Variants in SLC35F3 observed in about 807,000 individuals in gnomAD.
The protein encoded by SLC35F3 is solute carrier family 35 member F3.
SLC35F3 carries 25 observed loss-of-function variants against 49.9 expected under a neutral mutation model. The observed-to-expected ratio is 0.50, with a 90% confidence interval of 0.37 to 0.70. The LOEUF is 0.70. SLC35F3 is among the 30% of genes least tolerant of loss of function. The pLI is 0.00. For synonymous variants in SLC35F3, 275 were observed against 265.4 expected, an observed-to-expected ratio of 1.04 and a Z score of -0.35; for missense variants, 525 against 639.8, an observed-to-expected ratio of 0.82 and a Z score of 1.94.
intron 2 of SLC35F3, among the ~76,000 whole-genome samples, chr1:233,943,359 G>C (rs1045945821): frequency 2.0e-5 from 3 of 152,200 alleles, no homozygotes; most frequent in Non-Finnish European, 4.4e-5. Flanking sequence ...TTTAAAGTAA[G>C]ATTCCACAAT....
At chr1:234,188,012 C>A (rs374580984) in intron 2 of SLC35F3, among the ~76,000 whole-genome samples, 4 of 152,046 alleles carry the variant, frequency 2.6e-5, no homozygotes, top group African/African-American at 9.7e-5. Context: ...CCGAGGCGGG[C>A]GGATCACGAA....
intron 3 of SLC35F3, among the ~76,000 whole-genome samples, chr1:234,257,696 A>G (rs1667841272): frequency 6.6e-6 from 1 of 152,176 alleles, no homozygotes. Context: ...AGAAAGTTGT[A>G]AAAGTGCGTT....
chr1:233,975,348 C>T (rs958294028), intron 2 of SLC35F3, among the ~76,000 whole-genome samples: 31 of 152,360 alleles, frequency 2.0e-4, no homozygotes, highest in South Asian at 8.3e-4. Flanking sequence ...ACTGATGGAA[C>T]CCTCCATGTT....
At chr1:234,012,232 G>A (rs1663733049) in intron 2 of SLC35F3, among the ~76,000 whole-genome samples, 1 of 152,238 alleles carries the variant, frequency 6.6e-6, no homozygotes, top group Non-Finnish European at 1.5e-5. Flanking sequence ...TCCCGCCATA[G>A]GGTGGTTTTT....
intron 5 of SLC35F3, among the ~76,000 whole-genome samples, chr1:234,318,355 G>T (rs1558109170): frequency 6.6e-6 from 1 of 152,224 alleles, no homozygotes. Flanking sequence ...TATCTTTGCA[G>T]CCAGAGCACT....
In SLC35F3 at chr1:234,300,215, G is replaced by A. The variant is rs145220697; in HGVS notation, c.609-8886G>A. ...ACGAACAGAAACGCAGTGCTACTGG[G>A]GGAAAACTAGTCAAGATTTGTAAAT... On this transcript the variant is annotated intron_variant, in intron 3 of 7. Transcript: ENST00000366618. Among the ~76,000 whole-genome samples, 3 of 152,294 alleles carry A rather than the reference G, an allele frequency of 2.0e-5. No individual in the cohort carries two copies. The East Asian group carries it at 5.8e-4, about 29-fold the overall frequency.
At chr1:234,089,070 C>CAGGTAA (rs1192915804) in intron 2 of SLC35F3, among the ~76,000 whole-genome samples, 2 of 152,276 alleles carry the variant, frequency 1.3e-5, no homozygotes, top group South Asian at 4.1e-4. Flanking sequence ...CTGAGGATTC[C>CAGGTAA]AGGTAATCGT....
chr1:234,188,727 G>A (rs1274728996), intron 2 of SLC35F3, among the ~76,000 whole-genome samples: 1 of 152,072 alleles, frequency 6.6e-6, no homozygotes, highest in Admixed American at 6.5e-5. Context: ...GCCACCTCCT[G>A]GCAGGAGGGC....
chr1:234,079,106 TG>T (rs2102871795), intron 2 of SLC35F3, among the ~76,000 whole-genome samples: 1 of 152,330 alleles, frequency 6.6e-6, no homozygotes, highest in East Asian at 1.9e-4. Context: ...GACAGTGTGC[TG>T]CTGGTACAGG....
intron 2 of SLC35F3, among the ~76,000 whole-genome samples, chr1:234,077,552 CAT>C (rs1664810517): frequency 6.6e-6 from 1 of 152,186 alleles, no homozygotes; most frequent in Admixed American, 6.5e-5. Context: ...TCTCCCTTGA[CAT>C]GTGGGGATTA....
chr1:234,097,767 G>A (rs1665145689), intron 2 of SLC35F3, among the ~76,000 whole-genome samples: 1 of 152,188 alleles, frequency 6.6e-6, no homozygotes, highest in African/African-American at 2.4e-5. Flanking sequence ...TTGTCTGACT[G>A]GGAAATGATG....
rs118113502 is a variant in SLC35F3, at chr1:234,308,569, C to A, written c.609-532C>A. On this transcript the variant is annotated intron_variant, in intron 3 of 7. Coordinates refer to ENST00000366618, the MANE Select transcript of SLC35F3 (RefSeq NM_173508.4). ...CCCAGAAAAGCCAAAAGATTAGACA[C>A]CCTGTCTTCCCCAGAGTATCCATCC... Among the ~76,000 whole-genome samples, 2,521 of 150,720 alleles carry A rather than the reference C, an allele frequency of 0.017. 159 individuals are homozygous for A. The East Asian group carries it at 0.17, about 10-fold the overall frequency.
intron 2 of SLC35F3, among the ~76,000 whole-genome samples, chr1:234,177,802 T>G (rs1413876193): frequency 6.6e-6 from 1 of 152,220 alleles, no homozygotes; most frequent in African/African-American, 2.4e-5. Context: ...GGTCTTATAT[T>G]GGAACATATG....
At chr1:233,932,210 G>A (rs1662254240) in intron 2 of SLC35F3, among the ~76,000 whole-genome samples, 1 of 152,106 alleles carries the variant, frequency 6.6e-6, no homozygotes, top group South Asian at 2.1e-4. Flanking sequence ...ACAGGTTGAT[G>A]AGTGCAGCAA....
At chr1:234,289,831 G>A (rs1668479478) in intron 3 of SLC35F3, among the ~76,000 whole-genome samples, 1 of 152,140 alleles carries the variant, frequency 6.6e-6, no homozygotes, top group Admixed American at 6.5e-5. Flanking sequence ...TGATCCCAAA[G>A]TCAAAACTTA....
chr1:234,038,471 A>G (rs1201903677), intron 2 of SLC35F3, among the ~76,000 whole-genome samples: 1 of 151,998 alleles, frequency 6.6e-6, no homozygotes, highest in Non-Finnish European at 1.5e-5. Flanking sequence ...TCCTTTGGGT[A>G]TATACCCAGT....
At chr1:234,139,094 C>CA (rs1289862162) in intron 2 of SLC35F3, among the ~76,000 whole-genome samples, 3 of 152,134 alleles carry the variant, frequency 2.0e-5, no homozygotes, top group Non-Finnish European at 4.4e-5. Flanking sequence ...TTTGTTTAGG[C>CA]AAAGTGGCAC....
At chr1:234,303,700 G>A (rs1668727939) in intron 3 of SLC35F3, among the ~76,000 whole-genome samples, 1 of 152,136 alleles carries the variant, frequency 6.6e-6, no homozygotes, top group South Asian at 2.1e-4. Flanking sequence ...TGGTTGTGGT[G>A]GTGTCTGATG....
At chr1:234,275,841 C>T (rs899083533) in intron 3 of SLC35F3, among the ~76,000 whole-genome samples, 8 of 151,542 alleles carry the variant, frequency 5.3e-5, no homozygotes, top group Non-Finnish European at 1.0e-4. Flanking sequence ...TTAATATGTG[C>T]CAGGTACTAT....
Sources: allele counts gnomAD v4.1 joint callset (sites outside exome capture counted in the v4.1 genomes callset), GRCh38; gene constraint gnomAD v4.1.1; transcripts MANE v1.5; gene names NCBI Gene and HGNC (gene_info 2026-07-23, HGNC 2026-07-21).